FBXL2: variants seen among roughly 807,000 people sequenced by gnomAD.
FBXL2 encodes F-box and leucine rich repeat protein 2.
In FBXL2, 38 loss-of-function variants were observed where a neutral mutation model predicts 69.2. The ratio of observed to expected loss-of-function variants is 0.55; its 90% CI spans 0.42 to 0.72. The LOEUF is 0.72. Ranked by LOEUF, FBXL2 falls within the 30% of genes least tolerant of loss-of-function variation. FBXL2 has a pLI of 0.00. For synonymous variants in FBXL2, 192 were observed against 201.3 expected (o/e 0.95, Z 0.39); for missense variants, 354 against 520.3 (o/e 0.68, Z 3.11).
chr3:33,384,221 G>A lies in FBXL2; in HGVS notation c.1164+20G>A, dbSNP rs1186610517. 2 of 1,608,786 alleles carry A rather than the reference G, an allele frequency of 1.2e-6. No individual in the cohort carries two copies. Among genetic ancestry groups the A allele is most frequent in the East Asian group, 2.2e-5 (1 of 44,808 alleles). ...ATGCGGGTAGGTATGGGGCAGGGGA[G>A]TCAGTCACACCTGACATTTCTAAGC... On this transcript the variant is annotated intron_variant, in intron 14 of 14. Transcript: ENST00000484457.
At chr3:33,340,019 C>A (rs1347344583) in intron 2 of FBXL2, among the ~76,000 whole-genome samples, 1 of 152,160 alleles carries the variant, frequency 6.6e-6, no homozygotes, top group Admixed American at 6.5e-5. Flanking sequence ...AAAAGTAAAA[C>A]CAAAGACTGC....
At chr3:33,341,877 C>T (rs1047404072) in intron 2 of FBXL2, among the ~76,000 whole-genome samples, 9 of 148,692 alleles carry the variant, frequency 6.1e-5, no homozygotes, top group Admixed American at 1.3e-4. Context: ...GGCTCTGGGG[C>T]TCTGGGGTTG....
chr3:33,380,754 G>A (rs942139034), intron 13 of FBXL2, among the ~76,000 whole-genome samples: 1 of 152,068 alleles, frequency 6.6e-6, no homozygotes, highest in Admixed American at 6.6e-5. Flanking sequence ...ATCCATGGGA[G>A]CAGAAGACAC....
intron 1 of FBXL2, among the ~76,000 whole-genome samples, chr3:33,292,370 C>T (rs947871790): frequency 4.6e-5 from 7 of 152,114 alleles, no homozygotes; most frequent in African/African-American, 1.7e-4. Context: ...CAGAGCAATC[C>T]TCTGTCTCAA....
At chr3:33,379,556 T>C (rs1481172744) in intron 13 of FBXL2, among the ~76,000 whole-genome samples, 3 of 151,550 alleles carry the variant, frequency 2.0e-5, no homozygotes, top group Admixed American at 6.6e-5. Flanking sequence ...GGTTTCACCA[T>C]GTTGGCCTGG....
At chr3:33,332,696 G>A (rs537460607) in intron 2 of FBXL2, among the ~76,000 whole-genome samples, 1 of 152,322 alleles carries the variant, frequency 6.6e-6, no homozygotes, top group East Asian at 1.9e-4. Context: ...AGGCTATATG[G>A]TAGCCTATTG....
At chr3:33,331,730 A>G (rs930218692) in intron 2 of FBXL2, among the ~76,000 whole-genome samples, 1 of 152,208 alleles carries the variant, frequency 6.6e-6, no homozygotes, top group Non-Finnish European at 1.5e-5. Flanking sequence ...TGAAAATGAG[A>G]TCATGATAGT....
intron 2 of FBXL2, among the ~76,000 whole-genome samples, chr3:33,322,806 T>G (rs892887163): frequency 2.0e-5 from 3 of 152,178 alleles, no homozygotes; most frequent in Admixed American, 2.0e-4. Flanking sequence ...TCATATATTG[T>G]GTGTGTGTCA....
chr3:33,390,261 T>C (rs966701683), downstream of FBXL2: 7 of 1,474,012 alleles, frequency 4.7e-6, no homozygotes, highest in Non-Finnish European at 6.6e-6. Context: ...CAAGACTTCT[T>C]GGATTCAGTC....
rs767785089 is a variant in FBXL2 at position 33,359,354 on chromosome 3, A to G, written c.192A>G (p.Val64=). The G allele has an allele frequency of 1.2e-6, 2 of 1,610,618 alleles. No individual in the cohort carries two copies. The highest frequency in any genetic ancestry group is 1.7e-6 in the Non-Finnish European group (2 of 1,177,586). The part of the protein sequence containing the change: ...RIDLFNFQTD[V]EGRVVENISK... ...ATCTTTTTAACTTTCAAACAGATGT[A>G]GAGGTAAGTTAGCTTTGGTTTAGAC... Residue 64 remains valine, a synonymous_variant, in exon 4 of 15, where the codon GTA becomes GTG. Coordinates refer to ENST00000484457, the MANE Select transcript of FBXL2 (RefSeq NM_012157.5).
Position 33,384,298 on chromosome 3 carries a change from C to T in FBXL2, c.1164+97C>T, listed in dbSNP as rs1452111070. The T allele has an allele frequency of 3.9e-5, 47 of 1,193,844 alleles. No homozygotes were observed. The Middle Eastern group carries it at 1.1e-3, about 27-fold the overall frequency. The allele number at this position is 1,193,844 out of a possible 1,614,324, so 74.0% of individuals were successfully genotyped here. On this transcript the variant is annotated intron_variant, in intron 14 of 14. Transcript: ENST00000484457. Reference sequence around the variant, plus strand: ...CCGGGGCTAGGCACGCGGTGGCTCACGCCTGTAATCCCAACACTTTCAGAA... The same window carrying T: ...CCGGGGCTAGGCACGCGGTGGCTCATGCCTGTAATCCCAACACTTTCAGAA...
intron 5 of FBXL2, among the ~76,000 whole-genome samples, chr3:33,368,297 G>T (rs543655237): frequency 2.0e-4 from 30 of 152,290 alleles, no homozygotes; most frequent in African/African-American, 7.0e-4. Flanking sequence ...AAGGAGTATT[G>T]AAATATCTGC....
chr3:33,402,778 A>G (rs761581883), intron 12 of FBXL2: 2 of 1,491,822 alleles, frequency 1.3e-6, no homozygotes, highest in Non-Finnish European at 1.8e-6. Flanking sequence ...AGCTGCAGGC[A>G]CACGATCACA....
At chr3:33,340,690 G>A (rs529856900) in intron 2 of FBXL2, among the ~76,000 whole-genome samples, 50 of 150,960 alleles carry the variant, frequency 3.3e-4, no homozygotes, top group African/African-American at 1.1e-3. Flanking sequence ...TTAGAAGTTC[G>A]AGACCAGCCA....
chr3:33,313,615 G>GTTTTTTTTTTT (rs766273521), intron 2 of FBXL2, among the ~76,000 whole-genome samples: 4 of 148,308 alleles, frequency 2.7e-5, no homozygotes. Context: ...TCAGATAATT[G>GTTTTTTTTTTT]TTTTATTTTT....
the FBXL2 span, among the ~76,000 whole-genome samples, chr3:33,418,775 C>T: frequency 1.3e-5 from 2 of 149,788 alleles, no homozygotes; most frequent in Admixed American, 1.3e-4. Flanking sequence ...AGAAGAATCG[C>T]TTGAACCTGG....
chr3:33,281,343 C>T (rs1000802969), intron 1 of FBXL2, among the ~76,000 whole-genome samples: 3 of 152,170 alleles, frequency 2.0e-5, no homozygotes, highest in African/African-American at 7.2e-5. Flanking sequence ...TGGTTTCTGG[C>T]TTCATCCATG....
intron 2 of FBXL2, among the ~76,000 whole-genome samples, chr3:33,304,169 C>G (rs1387838624): frequency 2.0e-5 from 3 of 152,014 alleles, no homozygotes; most frequent in African/African-American, 7.2e-5. Flanking sequence ...AATTGGATTA[C>G]TCATAATTCT....
chr3:33,314,561 A>G (rs1038624874), intron 2 of FBXL2, among the ~76,000 whole-genome samples: 3 of 152,160 alleles, frequency 2.0e-5, no homozygotes, highest in Admixed American at 6.5e-5. Context: ...ATGGTAATGA[A>G]CTTTTTGTAT....
Sources: gnomAD v4.1 joint callset for allele counts (sites outside exome capture counted in the v4.1 genomes callset) on GRCh38, gnomAD v4.1.1 for gene constraint, MANE v1.5 for transcripts, NCBI Gene and HGNC (gene_info 2026-07-23, HGNC 2026-07-21) for gene names.